ADAMTS17: variants seen among roughly 807,000 people sequenced by gnomAD.
The protein encoded by ADAMTS17 is A disintegrin and metalloproteinase with thrombospondin motifs 17.
ADAMTS17 carries 113 observed loss-of-function variants against 141.5 expected under a neutral mutation model. The observed-to-expected ratio is 0.80, with a 90% confidence interval of 0.69 to 0.93. The LOEUF is 0.93. ADAMTS17 is among the 40% of genes least tolerant of loss of function. The pLI is 0.00. For synonymous variants in ADAMTS17, 768 were observed against 630.6 expected, an observed-to-expected ratio of 1.22 and a Z score of -3.27; for missense variants, 1,659 against 1,517.9, an observed-to-expected ratio of 1.09 and a Z score of -1.54.
At chr15:100,125,366 G>C (rs2037676968) in intron 12 of ADAMTS17, among the ~76,000 whole-genome samples, 1 of 152,236 alleles carries the variant, frequency 6.6e-6, no homozygotes, top group African/African-American at 2.4e-5. Flanking sequence ...AAAGCACATA[G>C]ATGGGGTTTC....
At chr15:100,201,085 A>T (rs1258867118) in intron 7 of ADAMTS17, among the ~76,000 whole-genome samples, 3 of 152,140 alleles carry the variant, frequency 2.0e-5, no homozygotes, top group African/African-American at 7.2e-5. Context: ...CTAAACCAAC[A>T]TCCTCTTTGC....
chr15:100,291,704 C>T lies in ADAMTS17; in HGVS notation c.617-10303G>A, dbSNP rs762394758. On this transcript the variant is annotated intron_variant, in intron 3 of 21. Coordinates refer to ENST00000268070, the MANE Select transcript of ADAMTS17 (RefSeq NM_139057.4). ...TGTCCTCTGCAGCACATGGATGGAG[C>T]GAAAGGCCATCATCCTAAGCGAACT... 1.1e-3 allele frequency among the ~76,000 whole-genome samples: 170 copies of T among 152,072 alleles called. 3 individuals are homozygous for T. Among genetic ancestry groups the T allele is most frequent in the Non-Finnish European group, 3.2e-4 (22 of 68,018 alleles).
intron 18 of ADAMTS17, among the ~76,000 whole-genome samples, chr15:100,009,065 C>T (rs2061102228): frequency 6.6e-6 from 1 of 152,136 alleles, no homozygotes; most frequent in African/African-American, 2.4e-5. Flanking sequence ...GTCTTGAACT[C>T]CTGGGATCAA....
At chr15:100,016,462 T>C (rs563900423) in intron 18 of ADAMTS17, among the ~76,000 whole-genome samples, 4 of 152,314 alleles carry the variant, frequency 2.6e-5, no homozygotes, top group African/African-American at 7.2e-5. Flanking sequence ...TTACCAGAGT[T>C]GGTTTTCTAG....
chr15:100,235,347 T>A (rs1346714626), intron 7 of ADAMTS17, among the ~76,000 whole-genome samples: 1 of 152,164 alleles, frequency 6.6e-6, no homozygotes, highest in Non-Finnish European at 1.5e-5. Context: ...CTGGCTTTCC[T>A]GAGCATGCAA....
At chr15:100,159,457 A>G (rs1487593216) in intron 8 of ADAMTS17, among the ~76,000 whole-genome samples, 7 of 152,234 alleles carry the variant, frequency 4.6e-5, no homozygotes, top group South Asian at 2.1e-4. Context: ...AAGGACATTA[A>G]AAGTCAACTA....
intron 9 of ADAMTS17, 147 bp from the exon 10 acceptor site, chr15:100,152,909 C>G (rs918257476): frequency 1.7e-6 from 1 of 597,198 alleles, no homozygotes; most frequent in Non-Finnish European, 2.2e-6. Flanking sequence ...ACTGGACACA[C>G]AGACTGCGCT....
intron 16 of ADAMTS17, among the ~76,000 whole-genome samples, chr15:100,053,066 C>T (rs908953224): frequency 3.3e-5 from 5 of 152,284 alleles, no homozygotes; most frequent in East Asian, 1.9e-4. Context: ...AGAACTTCCA[C>T]GGAGAGACTC....
At chr15:100,286,433 G>A (rs746157943) in intron 3 of ADAMTS17, among the ~76,000 whole-genome samples, 18 of 152,138 alleles carry the variant, frequency 1.2e-4, no homozygotes, top group Non-Finnish European at 2.1e-4. Context: ...TCGAAGTGTT[G>A]GGGCCAGCAG....
At chr15:100,074,873 A>T (rs2034256750) in intron 15 of ADAMTS17, among the ~76,000 whole-genome samples, 1 of 152,128 alleles carries the variant, frequency 6.6e-6, no homozygotes, top group South Asian at 2.1e-4. Context: ...ATCTCTTATG[A>T]CTTATTAATT....
chr15:100,259,021 GGAAA>G (rs1375586784), intron 6 of ADAMTS17, among the ~76,000 whole-genome samples: 1 of 146,082 alleles, frequency 6.8e-6, no homozygotes, highest in African/African-American at 2.6e-5. Context: ...TGAAACAGCA[GGAAA>G]GAGAGAAAAC....
chr15:100,264,063 A>G (rs554856908), intron 4 of ADAMTS17, among the ~76,000 whole-genome samples: 1 of 152,366 alleles, frequency 6.6e-6, no homozygotes, highest in East Asian at 1.9e-4. Context: ...GTTAAAAAAA[A>G]CCTATCTTTG....
chr15:100,077,898 C>T (rs1224206597), intron 15 of ADAMTS17, among the ~76,000 whole-genome samples: 1 of 152,130 alleles, frequency 6.6e-6, no homozygotes, highest in Non-Finnish European at 1.5e-5. Flanking sequence ...ATGACAGATT[C>T]AGTAAGATTG....
intron 3 of ADAMTS17, among the ~76,000 whole-genome samples, chr15:100,294,640 G>C (rs929064410): frequency 1.3e-5 from 2 of 152,026 alleles, no homozygotes; most frequent in African/African-American, 4.8e-5. Context: ...CCCAGAGACT[G>C]ATGATGCATT....
chr15:100,336,499 T>C (rs1409312545), intron 2 of ADAMTS17, among the ~76,000 whole-genome samples: 1 of 152,226 alleles, frequency 6.6e-6, no homozygotes, highest in African/African-American at 2.4e-5. Context: ...TTGTTTCTTT[T>C]TACAAAGTTC....
At chr15:100,131,366 G>A (rs1348644477) in intron 12 of ADAMTS17, among the ~76,000 whole-genome samples, 57 of 127,784 alleles carry the variant, frequency 4.5e-4, no homozygotes, top group East Asian at 1.3e-3. Flanking sequence ...CTTAAAGTAT[G>A]AAAAAAAAAA....
chr15:100,076,010 G>T (rs2034347864), intron 15 of ADAMTS17, among the ~76,000 whole-genome samples: 1 of 151,880 alleles, frequency 6.6e-6, no homozygotes, highest in South Asian at 2.1e-4. Context: ...CTTTCTTGAG[G>T]TTTTGTATCT....
intron 2 of ADAMTS17, among the ~76,000 whole-genome samples, chr15:100,338,317 C>T (rs1262314233): frequency 6.6e-6 from 1 of 152,222 alleles, no homozygotes; most frequent in Non-Finnish European, 1.5e-5. Context: ...CAGCAAACAT[C>T]TCTGGAGACA....
Position 99,976,061 on chromosome 15 carries a change from G to A in ADAMTS17, c.3111C>T (p.Ile1037=), listed in dbSNP as rs886050973. ...GACACTCACCAAGGCGGGGGGAGGTGATGGTGTTGGCGTTGATCCTGTCGT... is the reference window on the plus strand; with the variant it reads ...GACACTCACCAAGGCGGGGGGAGGTAATGGTGTTGGCGTTGATCCTGTCGT... The part of the protein sequence containing the change: ...VCNDRINANT[I]TSPRLAALTY... Residue 1037 remains isoleucine (I), a synonymous_variant, in exon 21 of 22, where the codon ATC becomes ATT. Coordinates refer to ENST00000268070, the MANE Select transcript of ADAMTS17 (RefSeq NM_139057.4). 6.4e-7 allele frequency: 1 copy of A among 1,551,160 alleles called. No homozygotes were observed. Among genetic ancestry groups the A allele is most frequent in the Non-Finnish European group, 8.7e-7 (1 of 1,146,648 alleles).
Sources: allele counts gnomAD v4.1 joint callset (sites outside exome capture counted in the v4.1 genomes callset), GRCh38; gene constraint gnomAD v4.1.1; transcripts MANE v1.5; gene names NCBI Gene and HGNC (gene_info 2026-07-23, HGNC 2026-07-21).